Variants in GRAMD1C observed in about 807,000 individuals in gnomAD.
GRAMD1C encodes the protein protein Aster-C.
GRAMD1C carries 89 observed loss-of-function variants against 97.8 expected under a neutral mutation model. The observed-to-expected ratio is 0.91, with a 90% CI of 0.77 to 1.09. The LOEUF (loss-of-function observed/expected upper bound fraction) is 1.09, where lower values mean the gene tolerates loss of function less well. Among genes scored for constraint, GRAMD1C ranks in the 50% least tolerant of loss-of-function variants. The pLI is 0.00. For synonymous variants in GRAMD1C, 256 were observed against 267.0 expected (o/e 0.96, Z 0.40); for missense variants, 740 against 766.4 (o/e 0.97, Z 0.41).
chr3:113,894,381 C>T (rs1010696869), intron 6 of GRAMD1C, among the ~76,000 whole-genome samples: 2 of 151,908 alleles, frequency 1.3e-5, no homozygotes, highest in Non-Finnish European at 2.9e-5. Context: ...TAGGTTCAAG[C>T]GATTCTCCTG....
At chr3:113,918,645 G>A (rs542085552) in intron 10 of GRAMD1C, among the ~76,000 whole-genome samples, 1 of 152,172 alleles carries the variant, frequency 6.6e-6, no homozygotes. Context: ...GATCATGACT[G>A]CAAAGCATAC....
intron 10 of GRAMD1C, among the ~76,000 whole-genome samples, chr3:113,929,812 T>C (rs927177978): frequency 5.3e-5 from 8 of 152,120 alleles, no homozygotes; most frequent in Admixed American, 3.9e-4. Flanking sequence ...TTGAGTAAAA[T>C]TGGCTGTATT....
intron 1 of GRAMD1C, among the ~76,000 whole-genome samples, chr3:113,830,521 T>A (rs1709544185): frequency 6.6e-6 from 1 of 152,206 alleles, no homozygotes; most frequent in South Asian, 2.1e-4. Context: ...CCTGTATTAC[T>A]ACTACACACT....
chr3:113,843,049 G>GTTTTTTTTTTTT (rs71144092), intron 1 of GRAMD1C, among the ~76,000 whole-genome samples: 28 of 53,418 alleles, frequency 5.2e-4, no homozygotes, highest in East Asian at 6.7e-4. Flanking sequence ...ACCATAAGCT[G>GTTTTTTTTTTTT]TTTTTTTTTT....
At chr3:113,835,130 G>C (rs1420845274), upstream of GRAMD1C, among the ~76,000 whole-genome samples, 1 of 152,066 alleles carries the variant, frequency 6.6e-6, no homozygotes, top group Non-Finnish European at 1.5e-5. Flanking sequence ...TGGTAAGCAG[G>C]GATTTCTGGG....
At chr3:113,889,497 G>C (rs1468199086) in intron 6 of GRAMD1C, among the ~76,000 whole-genome samples, 2 of 152,164 alleles carry the variant, frequency 1.3e-5, no homozygotes, top group African/African-American at 4.8e-5. Context: ...GGTGATGGTT[G>C]TTTAACTTTG....
chr3:113,870,564 A>G (rs1025253706), intron 3 of GRAMD1C, among the ~76,000 whole-genome samples: 2 of 152,176 alleles, frequency 1.3e-5, no homozygotes, highest in African/African-American at 4.8e-5. Context: ...TATATTTCAA[A>G]ATAGCCAAAA....
chr3:113,841,188 A>T (rs1470037307), intron 1 of GRAMD1C, among the ~76,000 whole-genome samples: 4 of 152,036 alleles, frequency 2.6e-5, no homozygotes, highest in Non-Finnish European at 4.4e-5. Flanking sequence ...ACCATGAGGT[A>T]CCATTCATTC....
At chr3:113,935,819 G>A (rs938422884) in intron 13 of GRAMD1C, among the ~76,000 whole-genome samples, 9 of 152,182 alleles carry the variant, frequency 5.9e-5, no homozygotes, top group Admixed American at 2.6e-4. Flanking sequence ...AGGTTTATAG[G>A]TTGTTTACAG....
chr3:113,844,759 G>C, intron 2 of GRAMD1C, 110 bp downstream of exon 2: 1 of 744,508 alleles, frequency 1.3e-6, no homozygotes, highest in South Asian at 2.0e-5. Context: ...CTAGATTTTA[G>C]ATGTTTCAAT....
At chr3:113,859,493 A>G (rs558450923) in intron 2 of GRAMD1C, among the ~76,000 whole-genome samples, 49 of 152,294 alleles carry the variant, frequency 3.2e-4, no homozygotes, top group African/African-American at 1.2e-3. Flanking sequence ...GGTATGGCTG[A>G]GTATATAGTC....
At chr3:113,923,099 G>A (rs1469086296) in intron 10 of GRAMD1C, among the ~76,000 whole-genome samples, 1 of 151,906 alleles carries the variant, frequency 6.6e-6, no homozygotes, top group Non-Finnish European at 1.5e-5. Flanking sequence ...GTATAGAAAT[G>A]CTATTGATTT....
In GRAMD1C at chr3:113,945,603, T is replaced by G; in HGVS notation, c.*125T>G. ...GTTTTTTCATTATTGAGATTTCTAA[T>G]ATGAACATTTCTTTCAGTAACATTT... is the stretch of plus-strand genomic sequence containing the variant. On this transcript the variant is annotated 3_prime_UTR_variant, in exon 18 of 18. Transcript: ENST00000358160. 1 of 606,964 alleles carries G rather than the reference T, an allele frequency of 1.6e-6. No homozygotes were observed. The highest frequency in any genetic ancestry group is 3.0e-6 in the Non-Finnish European group (1 of 337,948). 37.6% of individuals were successfully genotyped at this position (606,964 alleles called of 1,614,324 possible).
At chr3:113,945,265 T>A in intron 17 of GRAMD1C, 133 bp from the exon 18 acceptor site, 1 of 640,892 alleles carries the variant, frequency 1.6e-6, no homozygotes. Flanking sequence ...ATTTTGTATT[T>A]AACGTTTTAT....
intron 2 of GRAMD1C, among the ~76,000 whole-genome samples, chr3:113,863,021 T>G (rs1398249728): frequency 1.3e-5 from 2 of 152,106 alleles, no homozygotes; most frequent in African/African-American, 4.8e-5. Flanking sequence ...TTTTGGAAAA[T>G]AGTTTGGCAC....
rs564125735 is a variant in GRAMD1C, at chr3:113,944,142, A to G, written c.1909-1256A>G. ...CTGGAGACTGGGTAATTTATAAAGA[A>G]CAGAAATTTATTGCTCACAGTTCTG... On this transcript the variant is annotated intron_variant, in intron 17 of 17. Transcript: ENST00000358160. Among the ~76,000 whole-genome samples the G allele has an allele frequency of 3.9e-5, 6 of 152,318 alleles. No homozygotes were observed. The South Asian group carries it at 1.2e-3, about 32-fold the overall frequency.
intron 5 of GRAMD1C, among the ~76,000 whole-genome samples, chr3:113,881,216 G>A (rs552242522): frequency 2.0e-5 from 3 of 152,076 alleles, no homozygotes; most frequent in Admixed American, 6.6e-5. Flanking sequence ...ATGCAGTGGC[G>A]CGATCCTAGC....
chr3:113,912,993 C>T (rs1323237221), intron 9 of GRAMD1C: 3 of 387,420 alleles, frequency 7.7e-6, no homozygotes, highest in Non-Finnish European at 1.4e-5. Context: ...CCATTGAAGT[C>T]AATGTAGTGG....
chr3:113,925,885 A>G (rs1023574295), intron 10 of GRAMD1C, among the ~76,000 whole-genome samples: 1 of 152,194 alleles, frequency 6.6e-6, no homozygotes, highest in African/African-American at 2.4e-5. Flanking sequence ...AGAATGTTGA[A>G]TATAGGCCCT....
Sources: gnomAD v4.1 joint callset for allele counts (sites outside exome capture counted in the v4.1 genomes callset) on GRCh38, gnomAD v4.1.1 for gene constraint, MANE v1.5 for transcripts, NCBI Gene and HGNC (gene_info 2026-07-23, HGNC 2026-07-21) for gene names.